FIGNL1: variants seen among roughly 807,000 people sequenced by gnomAD.
The protein encoded by FIGNL1 is fidgetin like 1.
In FIGNL1, 11 loss-of-function variants were observed where a neutral mutation model predicts 28.9. The observed-to-expected ratio is 0.38, with a 90% CI of 0.24 to 0.63. The LOEUF (loss-of-function observed/expected upper bound fraction) is 0.63, where lower values mean the gene tolerates loss of function less well. FIGNL1 is among the 20% of genes least tolerant of loss of function. FIGNL1 has a pLI of 0.57. For missense variants in FIGNL1, 789 were observed against 810.4 expected, an observed-to-expected ratio of 0.97 and a Z score of 0.32; for synonymous variants, 295 against 276.5, an observed-to-expected ratio of 1.07 and a Z score of -0.66.
rs1345191417 is a variant in FIGNL1, at chr7:50,444,509, T to C, written c.*754A>G. 6.6e-6 allele frequency: 1 copy of C among 152,244 alleles called. No homozygotes were observed. The highest frequency in any genetic ancestry group is 1.9e-4 in the East Asian group (1 of 5,204). 9.4% of individuals were successfully genotyped at this position (152,244 alleles called of 1,614,324 possible). A position where few individuals can be genotyped will look rare whatever the true frequency, so the allele number is the denominator to read the frequency against. On this transcript the variant is annotated 3_prime_UTR_variant, in exon 4 of 4. Transcript: ENST00000433017. ...TAGTGACTTTTATTCTTTTTACTTA[T>C]CTCTATTTTCTCATGTTTCTGTAAT...
In FIGNL1 at chr7:50,447,111, G is replaced by C; in HGVS notation, c.177C>G (p.Phe59Leu). Residue 59 changes from phenylalanine (F) to leucine (L), a missense_variant, in exon 4 of 4, where the codon TTC becomes TTG. Physicochemically the swap from Phe to Leu is conservative, Grantham distance 22 (BLOSUM62 0). Coordinates refer to ENST00000433017, the MANE Select transcript of FIGNL1 (RefSeq NM_001287492.4). Reference protein sequence around the residue: ...EISQVCATKLFKKYAEKYSAI... With the variant: ...EISQVCATKLLKKYAEKYSAI... ...CAGAATATTTCTCTGCATATTTTTT[G>C]AACAGTTTGGTAGCACAGACCTGGG... The C allele has an allele frequency of 6.2e-7, 1 of 1,614,142 alleles. No homozygotes were observed. The highest frequency in any genetic ancestry group is 8.5e-7 in the Non-Finnish European group (1 of 1,180,034).
rs1024229942 is a variant in FIGNL1 at position 50,445,665 on chromosome 7, C to G, written c.1623G>C (p.Val541=). 6.8e-6 allele frequency: 11 copies of G among 1,614,054 alleles called. No homozygotes were observed. The highest frequency in any genetic ancestry group is 2.2e-5 in the South Asian group (2 of 91,084). ...CTTGTGGCCGATTTGTTGCTCCCAC[C>G]ACTAGGATACGATCTTCAGAAGATG... is the stretch of plus-strand genomic sequence containing the variant. ...ATTSSEDRIL[V]VGATNRPQEI... Residue 541 remains valine, a synonymous_variant, in exon 4 of 4, where the codon GTG becomes GTC. Transcript: ENST00000433017.
chr7:50,446,963 C>A lies in FIGNL1; in HGVS notation c.325G>T (p.Val109Phe), dbSNP rs1562962168. The A allele has an allele frequency of 6.2e-7, 1 of 1,614,202 alleles. No homozygotes were observed. The highest frequency in any genetic ancestry group is 8.5e-7 in the Non-Finnish European group (1 of 1,180,028). Residue 109 changes from valine (V) to phenylalanine (F), a missense_variant, in exon 4 of 4, where the codon GTT becomes TTT. Val to Phe is a conservative substitution (Grantham distance 50). Transcript: ENST00000433017. ...KWQSGLSINN[V>F]FKMSSVQKMM... ...TTCTGTACACTACTCATTTTGAAAA[C>A]ATTATTTATTGACAATCCAGACTGC...
rs1038680833 is a variant in FIGNL1, at chr7:50,446,243, C to T, written c.1045G>A (p.Gly349Arg). ...TGCATTCCTCCATTCTGCTCTCCCCCATCTTGCTTGGGTATAGGAGGAACA... is the reference window on the plus strand; with the variant it reads ...TGCATTCCTCCATTCTGCTCTCCCCTATCTTGCTTGGGTATAGGAGGAACA... ...KFVPPIPKQD[G>R]GEQNGGMQCK... The change falls in exon 4 of 4, where the codon GGG (glycine) becomes AGG (arginine). Residue 349 changes from glycine to arginine, a missense_variant. Coordinates refer to ENST00000433017, the MANE Select transcript of FIGNL1 (RefSeq NM_001287492.4). The T allele has an allele frequency of 1.9e-6, 3 of 1,614,168 alleles. No individual in the cohort carries two copies. Among genetic ancestry groups the T allele is most frequent in the Non-Finnish European group, 2.5e-6 (3 of 1,180,032 alleles).
rs1585110370 is a variant in FIGNL1, at chr7:50,449,487, A to T, written c.-489T>A. 1 of 152,188 alleles carries T rather than the reference A, an allele frequency of 6.6e-6. No individual in the cohort carries two copies. Among genetic ancestry groups the T allele is most frequent in the East Asian group, 1.9e-4 (1 of 5,204 alleles). 9.4% of individuals were successfully genotyped at this position (152,188 alleles called of 1,614,324 possible). ...AGGAATTGTTTTCCATTCCATTCAC[A>T]TTGTCTTAGTACCTAGAATACAGTG... On this transcript the variant is annotated 5_prime_UTR_variant, in exon 2 of 4. The change abolishes an upstream ATG in the 5' untranslated region. Coordinates refer to ENST00000433017, the MANE Select transcript of FIGNL1 (RefSeq NM_001287492.4).
Position 50,446,052 on chromosome 7 carries a change from G to A in FIGNL1, c.1236C>T (p.Thr412=). Residue 412 remains threonine, a synonymous_variant, in exon 4 of 4, where the codon ACC becomes ACT. Transcript: ENST00000433017. The part of the protein sequence containing the change: ...DIAGVEFAKA[T]IKEIVVWPML... ...TGGGCCACACAACTATTTCCTTTAT[G>A]GTGGCTTTAGCAAATTCTACTCCTG... 2 of 1,614,154 alleles carry A rather than the reference G, an allele frequency of 1.2e-6. No individual in the cohort carries two copies. Among genetic ancestry groups the A allele is most frequent in the East Asian group, 4.5e-5 (2 of 44,890 alleles).
chr7:50,444,409 T>C lies in FIGNL1; in HGVS notation c.*854A>G, dbSNP rs2305359. The C allele has an allele frequency of 8.5e-5, 13 of 152,276 alleles. No homozygotes were observed. The East Asian group carries it at 2.5e-3, about 29-fold the overall frequency. The allele number at this position is 152,276 out of a possible 1,614,324, so 9.4% of individuals were successfully genotyped here. The stretch of plus-strand genomic sequence containing the variant: ...GAGAGAATACATTACACAATCCTAC[T>C]GCTGTATAAAACAAAACATCTGGAA... On this transcript the variant is annotated 3_prime_UTR_variant, in exon 4 of 4. Coordinates refer to ENST00000433017, the MANE Select transcript of FIGNL1 (RefSeq NM_001287492.4).
In FIGNL1 at chr7:50,449,383, A is replaced by G. The variant is rs1162291728; in HGVS notation, c.-385T>C. 2 of 152,206 alleles carry G rather than the reference A, an allele frequency of 1.3e-5. No individual in the cohort carries two copies. Among genetic ancestry groups the G allele is most frequent in the African/African-American group, 4.8e-5 (2 of 41,448 alleles). 9.4% of individuals were successfully genotyped at this position (152,206 alleles called of 1,614,324 possible). A position where few individuals can be genotyped will look rare whatever the true frequency, so the allele number is the denominator to read the frequency against. On this transcript the variant is annotated 5_prime_UTR_variant, in exon 2 of 4. Transcript: ENST00000433017. Reference sequence around the variant, plus strand: ...GCACTGTCATATGAACTGCATTTCAATCTTCTTTATTTTGCCAATGTTCTG... The same window carrying G: ...GCACTGTCATATGAACTGCATTTCAGTCTTCTTTATTTTGCCAATGTTCTG...
In FIGNL1 at chr7:50,445,126, T is replaced by C. The variant is rs1820394006; in HGVS notation, c.*137A>G. ...ATTAACATACACTATGTCAATCAGA[T>C]GTAAAATCTGTGCTATTATTTGAAG... On this transcript the variant is annotated 3_prime_UTR_variant, in exon 4 of 4. Coordinates refer to ENST00000433017, the MANE Select transcript of FIGNL1 (RefSeq NM_001287492.4). 3 of 541,162 alleles carry C rather than the reference T, an allele frequency of 5.5e-6. No individual in the cohort carries two copies. Among genetic ancestry groups the C allele is most frequent in the African/African-American group, 2.0e-5 (1 of 51,108 alleles). 33.5% of individuals were successfully genotyped at this position (541,162 alleles called of 1,614,324 possible).
intron 3 of FIGNL1, 36 bp from the exon 4 acceptor site, chr7:50,447,333 G>A: frequency 4.3e-6 from 6 of 1,393,820 alleles, no homozygotes; most frequent in South Asian, 3.0e-5. Context: ...TCAGTATGAA[G>A]GAAAACAAAG....
chr7:50,447,746 T>A (rs1821271321), intron 3 of FIGNL1, among the ~76,000 whole-genome samples: 1 of 145,162 alleles, frequency 6.9e-6, no homozygotes, highest in Non-Finnish European at 1.5e-5. Context: ...TTATTATTAT[T>A]TTTTTTTGAG....
In FIGNL1 at chr7:50,446,298, A is replaced by G. The variant is rs761598332; in HGVS notation, c.990T>C (p.Ala330=). The G allele has an allele frequency of 2.7e-5, 43 of 1,614,024 alleles. 1 individual carries two copies. The South Asian group carries it at 4.4e-4, about 16-fold the overall frequency. The change falls in exon 4 of 4, where the codon GCT becomes GCC. Residue 330 remains alanine (A), a synonymous_variant. Coordinates refer to ENST00000433017, the MANE Select transcript of FIGNL1 (RefSeq NM_001287492.4). The part of the protein sequence containing the change: ...SYGGVKKSLG[A]SRSRGILGKF... ...TTCCAAGTATCCCTCGGGATCTACT[A>G]GCTCCTAGAGACTTTTTTACACCAC...
At position 50,446,346 on chromosome 7, in the gene FIGNL1, C is replaced by G. The variant is rs941043257; in HGVS notation, c.942G>C (p.Gln314His). The G allele has an allele frequency of 6.2e-7, 1 of 1,614,106 alleles. No homozygotes were observed. Among genetic ancestry groups the G allele is most frequent in the Non-Finnish European group, 8.5e-7 (1 of 1,180,024 alleles). ...VDQQKKYHQP[Q>H]RASGSSYGGV... ...CACCATATGAAGACCCTGATGCACG[C>G]TGAGGTTGGTGGTACTTTTTTTGCT... Residue 314 changes from glutamine (Q) to histidine (H), a missense_variant, in exon 4 of 4, where the codon CAG (glutamine) becomes CAC (histidine). Gln to His is a conservative substitution (Grantham distance 24). Coordinates refer to ENST00000433017, the MANE Select transcript of FIGNL1 (RefSeq NM_001287492.4).
chr7:50,446,855 C>G lies in FIGNL1; in HGVS notation c.433G>C (p.Val145Leu), dbSNP rs2153528913. The G allele has an allele frequency of 6.2e-7, 1 of 1,614,154 alleles. No homozygotes were observed. The highest frequency in any genetic ancestry group is 2.2e-5 in the East Asian group (1 of 44,892). ...ASVVIHKEAT[V>L]FDLPKFSVCG... is the part of the protein sequence containing the mutation. ...ACACTAAATTTAGGAAGATCAAAGACAGTGGCCTCCTTATGGATTACCACT... is the reference window on the plus strand; with the variant it reads ...ACACTAAATTTAGGAAGATCAAAGAGAGTGGCCTCCTTATGGATTACCACT... The change falls in exon 4 of 4, where the codon GTC (valine) becomes CTC (leucine). Residue 145 changes from valine (V) to leucine (L), a missense_variant. Val to Leu is a conservative substitution (Grantham distance 32, BLOSUM62 1). Transcript: ENST00000433017.
Position 50,446,474 on chromosome 7 carries a change from G to A in FIGNL1, c.814C>T (p.Pro272Ser). ...TTACTACAAGCCTTATTCAGTATTG[G>A]ATTGGAAAGTGCATCAATGGTGCCA... is the stretch of plus-strand genomic sequence containing the variant. ...GSGTIDALSN[P>S]ILNKACSKTE... The change falls in exon 4 of 4, where the codon CCA becomes TCA. Residue 272 changes from proline to serine, a missense_variant. Pro to Ser is a moderately conservative substitution (Grantham distance 74). Transcript: ENST00000433017. 1.2e-6 allele frequency: 2 copies of A among 1,614,136 alleles called. No homozygotes were observed. The highest frequency in any genetic ancestry group is 1.7e-6 in the Non-Finnish European group (2 of 1,180,024).
intron 3 of FIGNL1, among the ~76,000 whole-genome samples, chr7:50,447,780 G>A (rs1333155012): frequency 6.6e-6 from 1 of 151,926 alleles, no homozygotes; most frequent in Non-Finnish European, 1.5e-5. Flanking sequence ...CTGTCACCCA[G>A]GCTGCTGGAG....
Position 50,445,703 on chromosome 7 carries a change from C to A in FIGNL1, c.1585G>T (p.Asp529Tyr), listed in dbSNP as rs767830198. 1 of 1,614,180 alleles carries A rather than the reference C, an allele frequency of 6.2e-7. No homozygotes were observed. Among genetic ancestry groups the A allele is most frequent in the South Asian group, 1.1e-5 (1 of 91,080 alleles). The change falls in exon 4 of 4, where the codon GAT becomes TAT. Residue 529 changes from aspartate (D) to tyrosine (Y), a missense_variant. Coordinates refer to ENST00000433017, the MANE Select transcript of FIGNL1 (RefSeq NM_001287492.4). ...TCTTCAGAAGATGTTGTTGCTCCAT[C>A]TAATTGAACTAAAAATTCTGTTTTT... ...RIKTEFLVQL[D>Y]GATTSSEDRI... is the part of the protein sequence containing the mutation.
rs762258250 is a variant in FIGNL1, at chr7:50,446,083, T to A, written c.1205A>T (p.Asp402Val). Residue 402 changes from aspartate (D) to valine (V), a missense_variant, in exon 4 of 4, where the codon GAT (aspartate) becomes GTT (valine). By Grantham distance (152) the Asp-to-Val change is radical (BLOSUM62 -3). Coordinates refer to ENST00000433017, the MANE Select transcript of FIGNL1 (RefSeq NM_001287492.4). ...TTTAGCAAATTCTACTCCTGCAATA[T>A]CTTCCCAATTTACTGGAGGTCCATG... ...MDHGPPVNWEDIAGVEFAKAT... is the reference protein window; with the variant it reads ...MDHGPPVNWEVIAGVEFAKAT... The A allele has an allele frequency of 9.9e-6, 16 of 1,614,092 alleles. No homozygotes were observed. Among genetic ancestry groups the A allele is most frequent in the Non-Finnish European group, 1.3e-5 (15 of 1,180,050 alleles).
At position 50,446,877 on chromosome 7, in the gene FIGNL1, C is replaced by T. The variant is rs777796286; in HGVS notation, c.411G>A (p.Val137=). The part of the protein sequence containing the change: ...DSLLEPALAS[V]VIHKEATVFD... ...AGACAGTGGCCTCCTTATGGATTACCACTGATGCAAGAGCAGGTTCCAACA... is the reference window on the plus strand; with the variant it reads ...AGACAGTGGCCTCCTTATGGATTACTACTGATGCAAGAGCAGGTTCCAACA... The change falls in exon 4 of 4, where the codon GTG becomes GTA. Residue 137 remains valine (V), a synonymous_variant. Transcript: ENST00000433017. The T allele has an allele frequency of 1.2e-6, 2 of 1,614,154 alleles. No individual in the cohort carries two copies. Among genetic ancestry groups the T allele is most frequent in the South Asian group, 2.2e-5 (2 of 91,080 alleles).
Sources: gnomAD v4.1 joint callset for allele counts (sites outside exome capture counted in the v4.1 genomes callset) on GRCh38, gnomAD v4.1.1 for gene constraint, MANE v1.5 for transcripts, NCBI Gene and HGNC (gene_info 2026-07-23, HGNC 2026-07-21) for gene names.